Variants in GALNT13 observed in about 807,000 individuals in gnomAD.
GALNT13 encodes the protein polypeptide N-acetylgalactosaminyltransferase 13, also known as UDP-GalNAc:polypeptide N-acetylgalactosaminyltransferase 13.
Under a neutral mutation model 64.2 loss-of-function variants are expected in GALNT13, and 28 were observed. The ratio of observed to expected loss-of-function variants is 0.44; its 90% CI spans 0.32 to 0.60. GALNT13 has a LOEUF of 0.60. Among genes scored for constraint, GALNT13 ranks in the 20% least tolerant of loss-of-function variants. GALNT13 has a pLI of 0.05. For missense variants in GALNT13, 577 were observed against 669.8 expected (o/e 0.86, Z 1.53); for synonymous variants, 214 against 224.6 (o/e 0.95, Z 0.42).
chr2:153,286,314 C>T, the GALNT13 span, among the ~76,000 whole-genome samples: 5 of 152,026 alleles, frequency 3.3e-5, no homozygotes, highest in African/African-American at 1.2e-4. Context: ...TTACAATTCT[C>T]TTATGAAAAA....
chr2:153,657,311 C>T, the GALNT13 span, among the ~76,000 whole-genome samples: 5 of 152,016 alleles, frequency 3.3e-5, no homozygotes, highest in African/African-American at 9.7e-5. Context: ...GATATGTATG[C>T]ATTATGGCAG....
intron 9 of GALNT13, among the ~76,000 whole-genome samples, chr2:154,332,444 T>C (rs1695218040): frequency 6.6e-6 from 1 of 152,088 alleles, no homozygotes; most frequent in Non-Finnish European, 1.5e-5. Flanking sequence ...ATTGAGTATC[T>C]AACCAGGTAA....
At chr2:153,082,600 TA>T in the GALNT13 span, among the ~76,000 whole-genome samples, 1 of 46,520 alleles carries the variant, frequency 2.1e-5, no homozygotes, top group Non-Finnish European at 4.1e-5. Flanking sequence ...TATATATATA[TA>T]TATATATATA....
At chr2:153,544,162 C>T in the GALNT13 span, among the ~76,000 whole-genome samples, 2 of 152,280 alleles carry the variant, frequency 1.3e-5, no homozygotes, top group African/African-American at 2.4e-5. Flanking sequence ...TGTATGATTT[C>T]TGGGTCATAA....
At chr2:154,371,352 A>G (rs1697673342) in intron 9 of GALNT13, among the ~76,000 whole-genome samples, 2 of 152,046 alleles carry the variant, frequency 1.3e-5, no homozygotes, top group African/African-American at 2.4e-5. Context: ...AGGTAATTAT[A>G]ATGTTGCTGT....
At chr2:153,277,339 G>A in the GALNT13 span, among the ~76,000 whole-genome samples, 1 of 152,072 alleles carries the variant, frequency 6.6e-6, no homozygotes, top group African/African-American at 2.4e-5. Flanking sequence ...ATTTGCTTAG[G>A]ATATCGGCCT....
chr2:153,936,724 T>A (rs35087630), intron 2 of GALNT13, among the ~76,000 whole-genome samples: 29,254 of 151,896 alleles, frequency 0.19, 3,557 homozygotes, highest in Middle Eastern at 0.3. Flanking sequence ...TAATTAAATT[T>A]AATTTTTTTT....
the GALNT13 span, among the ~76,000 whole-genome samples, chr2:153,246,571 T>G: frequency 6.6e-6 from 1 of 152,108 alleles, no homozygotes; most frequent in Non-Finnish European, 1.5e-5. Flanking sequence ...GAAGGAGAAG[T>G]AAAACACTTT....
At chr2:153,890,922 C>G (rs1687509597) in intron 1 of GALNT13, among the ~76,000 whole-genome samples, 1 of 151,960 alleles carries the variant, frequency 6.6e-6, no homozygotes, top group Non-Finnish European at 1.5e-5. Context: ...TGTGGTTCCC[C>G]TTGAAATGGA....
At chr2:153,854,569 A>C in the GALNT13 span, among the ~76,000 whole-genome samples, 21 of 152,250 alleles carry the variant, frequency 1.4e-4, no homozygotes, top group Non-Finnish European at 2.9e-4. Context: ...GAACAAGAGC[A>C]AAACTCTGCC....
At chr2:154,050,615 G>A (rs1249738758) in intron 3 of GALNT13, among the ~76,000 whole-genome samples, 1 of 151,960 alleles carries the variant, frequency 6.6e-6, no homozygotes, top group Non-Finnish European at 1.5e-5. Flanking sequence ...CAACTCAAGG[G>A]GGGAATAATA....
At chr2:153,689,873 A>G in the GALNT13 span, among the ~76,000 whole-genome samples, 1 of 151,914 alleles carries the variant, frequency 6.6e-6, no homozygotes, top group African/African-American at 2.4e-5. Context: ...GTTTTTTTCT[A>G]AAAGGGACAT....
the GALNT13 span, among the ~76,000 whole-genome samples, chr2:153,263,490 G>A: frequency 6.6e-6 from 1 of 152,086 alleles, no homozygotes; most frequent in Admixed American, 6.6e-5. Context: ...ATATTGCTAA[G>A]AGAATCAATA....
chr2:153,934,137 A>G (rs1036031357), intron 2 of GALNT13, among the ~76,000 whole-genome samples: 2 of 152,158 alleles, frequency 1.3e-5, no homozygotes, highest in Non-Finnish European at 2.9e-5. Flanking sequence ...GCCTTAGCAC[A>G]GTGTTGGCAT....
chr2:153,422,068 T>TTA, the GALNT13 span: 1 of 151,134 alleles, frequency 6.6e-6, no homozygotes, highest in African/African-American at 2.4e-5. Flanking sequence ...AATTGTTTTT[T>TTA]AAAAAAAAAG....
At chr2:153,127,306 C>T in the GALNT13 span, among the ~76,000 whole-genome samples, 1 of 152,136 alleles carries the variant, frequency 6.6e-6, no homozygotes, top group Non-Finnish European at 1.5e-5. Context: ...AAATTCGAGG[C>T]ATTTGGGCAT....
chr2:153,829,309 T>G, the GALNT13 span, among the ~76,000 whole-genome samples: 1 of 151,872 alleles, frequency 6.6e-6, no homozygotes, highest in Admixed American at 6.6e-5. Context: ...AAGACTGGGT[T>G]ATTTACAAAA....
intron 1 of GALNT13, among the ~76,000 whole-genome samples, chr2:153,885,003 C>A (rs192223590): frequency 2.0e-5 from 3 of 149,978 alleles, no homozygotes; most frequent in Admixed American, 6.7e-5. Context: ...TGCACCATTG[C>A]ACTCCAGCCT....
chr2:154,387,151 T>A (rs1156778878), intron 9 of GALNT13, among the ~76,000 whole-genome samples: 2 of 152,128 alleles, frequency 1.3e-5, no homozygotes, highest in Admixed American at 6.6e-5. Context: ...TGAGAACTTA[T>A]GAGCCTGGGT....
Sources: gnomAD v4.1 joint callset for allele counts (sites outside exome capture counted in the v4.1 genomes callset) on GRCh38, gnomAD v4.1.1 for gene constraint, MANE v1.5 for transcripts, NCBI Gene and HGNC (gene_info 2026-07-23, HGNC 2026-07-21) for gene names.